Variants in MYO1F observed in about 807,000 individuals in gnomAD.
MYO1F encodes unconventional myosin-If.
A neutral mutation model predicts 146.6 loss-of-function variants in MYO1F; 60 were observed. The observed-to-expected ratio is 0.41, with a 90% CI of 0.33 to 0.51. The LOEUF (loss-of-function observed/expected upper bound fraction) is 0.51, where lower values mean the gene tolerates loss of function less well. Ranked by LOEUF, MYO1F falls within the 20% of genes least tolerant of loss-of-function variation. MYO1F has a pLI of 0.25. For missense variants in MYO1F, 1,274 were observed against 1,534.3 expected, an observed-to-expected ratio of 0.83 and a Z score of 2.83; for synonymous variants, 602 against 602.1, an observed-to-expected ratio of 1.00 and a Z score of 0.00.
chr19:8,568,063 C>A (rs1436823541), intron 1 of MYO1F, among the ~76,000 whole-genome samples: 1 of 152,160 alleles, frequency 6.6e-6, no homozygotes. Context: ...TCTGACCATT[C>A]TCTCCCTCTC....
Position 8,548,292 on chromosome 19 carries a change from G to T in MYO1F, c.1127C>A (p.Pro376His). The T allele has an allele frequency of 6.2e-7, 1 of 1,613,436 alleles. No individual in the cohort carries two copies. The highest frequency in any genetic ancestry group is 8.5e-7 in the Non-Finnish European group (1 of 1,180,000). The change falls in exon 11 of 28, where the codon CCC becomes CAC. Residue 376 changes from proline to histidine, a missense_variant. This residue lies in a region of MYO1F where 900 missense variants were observed against 1,155.1 expected (regional missense o/e 0.78). Coordinates refer to ENST00000644032, the MANE Select transcript of MYO1F (RefSeq NM_012335.4). ...VEAINRAMQKPQEEYSIGVLD... is the reference protein window; with the variant it reads ...VEAINRAMQKHQEEYSIGVLD... The stretch of plus-strand genomic sequence containing the variant: ...CACACCGATGCTGTACTCTTCCTGG[G>T]GTTTCTGCATAGCACGGTTGATGGC...
chr19:8,525,270 C>T (rs367839664), intron 25 of MYO1F: 144 of 485,944 alleles, frequency 3.0e-4, no homozygotes, highest in East Asian at 2.9e-3. Context: ...GAGAAGATGT[C>T]AGTGGTTAGC....
At position 8,560,882 on chromosome 19, in the gene MYO1F, G is replaced by A. The variant is rs928139154; in HGVS notation, c.4-5086C>T. Among the ~76,000 whole-genome samples the A allele has an allele frequency of 2.0e-5, 3 of 151,952 alleles. No individual in the cohort carries two copies. The East Asian group carries it at 5.8e-4, about 29-fold the overall frequency. On this transcript the variant is annotated intron_variant, in intron 1 of 27. Transcript: ENST00000644032. The stretch of plus-strand genomic sequence containing the variant: ...GCCTCCCGAGTAGCTGGGACTACAG[G>A]CGCCCGCCACCACGGCGGCTAATTT...
At chr19:8,543,706 T>TG in intron 14 of MYO1F, among the ~76,000 whole-genome samples, 1 of 17,972 alleles carries the variant, frequency 5.6e-5, no homozygotes, top group Non-Finnish European at 1.1e-4. Context: ...GTGGTGGTGG[T>TG]GCTGGTGGTG....
chr19:8,523,665 T>A (rs1212784030), intron 25 of MYO1F, among the ~76,000 whole-genome samples: 6 of 152,080 alleles, frequency 3.9e-5, no homozygotes, highest in Admixed American at 6.6e-5. Context: ...TTATTTTTTA[T>A]TTGTTTAGAG....
intron 1 of MYO1F, among the ~76,000 whole-genome samples, chr19:8,566,161 CTTTTTTT>C (rs781059040): frequency 2.6e-5 from 2 of 78,338 alleles, no homozygotes; most frequent in Non-Finnish European, 4.5e-5. Flanking sequence ...CAGTCTATGT[CTTTTTTT>C]TTTTTTTTTT....
intron 4 of MYO1F, among the ~76,000 whole-genome samples, chr19:8,553,844 C>G (rs1281713925): frequency 6.9e-6 from 1 of 144,738 alleles, no homozygotes; most frequent in African/African-American, 2.6e-5. Context: ...TGCACTCCAG[C>G]CTGGGTGACA....
intron 14 of MYO1F, among the ~76,000 whole-genome samples, chr19:8,543,645 GTGGTGGTGC>G (rs1973076642): frequency 6.9e-6 from 1 of 145,830 alleles, no homozygotes; most frequent in Non-Finnish European, 1.5e-5. Context: ...CACGGTGGTG[GTGGTGGTGC>G]TGGTGGTGGT....
chr19:8,521,425 T>G lies in MYO1F; in HGVS notation c.*103A>C. 1 of 1,269,436 alleles carries G rather than the reference T, an allele frequency of 7.9e-7. No homozygotes were observed. Among genetic ancestry groups the G allele is most frequent in the Non-Finnish European group, 1.1e-6 (1 of 882,070 alleles). The allele number at this position is 1,269,436 out of a possible 1,614,324, so 78.6% of individuals were successfully genotyped here. The stretch of plus-strand genomic sequence containing the variant: ...CCAAAGGACTGGACTTTTAGGCTAT[T>G]GCAGCCCAGGTAAACGAGGCTCTCA... On this transcript the variant is annotated 3_prime_UTR_variant, in exon 28 of 28. Transcript: ENST00000644032.
chr19:8,528,476 C>T (rs1238096107), intron 21 of MYO1F, among the ~76,000 whole-genome samples: 3 of 151,918 alleles, frequency 2.0e-5, no homozygotes, highest in Non-Finnish European at 4.4e-5. Context: ...TGCAGTGAGC[C>T]GAGGTTGTGC....
rs1482106678 is a variant in MYO1F, at chr19:8,544,039, T to TG, written c.1524+257dup. 176 of 501,302 alleles carry TG rather than the reference T, an allele frequency of 3.5e-4. 1 individual carries two copies. Among genetic ancestry groups the TG allele is most frequent in the Middle Eastern group, 1.1e-3 (2 of 1,842 alleles). The allele number at this position is 501,302 out of a possible 1,614,324, so 31.1% of individuals were successfully genotyped here. ...GTGGCGGTGGCGGTGGCGGTGGCGG[T>TG]GCTGGTGGTGGTGGTGGTGGTGGTG... On this transcript the variant is annotated intron_variant, in intron 14 of 27. Transcript: ENST00000644032.
intron 12 of MYO1F, among the ~76,000 whole-genome samples, chr19:8,547,430 CCT>C (rs1339848586): frequency 6.6e-6 from 1 of 151,412 alleles, no homozygotes. Flanking sequence ...ATGATGAAAC[CCT>C]GTCTCTACTA....
chr19:8,557,626 C>T (rs1973914282), intron 1 of MYO1F, among the ~76,000 whole-genome samples: 1 of 152,084 alleles, frequency 6.6e-6, no homozygotes, highest in Non-Finnish European at 1.5e-5. Context: ...TTTGGTCTCT[C>T]TTTCCATCTG....
chr19:8,568,492 G>A (rs536856973), intron 1 of MYO1F, among the ~76,000 whole-genome samples: 33 of 150,842 alleles, frequency 2.2e-4, no homozygotes, highest in African/African-American at 7.8e-4. Context: ...TTTTGCTCAA[G>A]TGAATATCGT....
chr19:8,523,756 G>A (rs1056336314), intron 25 of MYO1F, among the ~76,000 whole-genome samples: 7 of 152,080 alleles, frequency 4.6e-5, no homozygotes, highest in African/African-American at 1.7e-4. Context: ...TTAGGCTCAT[G>A]ATATTCTCCC....
chr19:8,568,965 G>C (rs964893948), intron 1 of MYO1F, among the ~76,000 whole-genome samples: 10 of 152,070 alleles, frequency 6.6e-5, no homozygotes, highest in Non-Finnish European at 1.2e-4. Context: ...ACCCTTGTGT[G>C]GGGTCTCTGA....
rs202232245 is a variant in MYO1F, at chr19:8,536,902, T to C, written c.1799+47A>G. The C allele has an allele frequency of 2.3e-4, 287 of 1,225,546 alleles. 1 individual carries two copies. The African/African-American group carries it at 3.9e-3, about 17-fold the overall frequency. 75.9% of individuals were successfully genotyped at this position (1,225,546 alleles called of 1,614,324 possible). A position where few individuals can be genotyped will look rare whatever the true frequency, so the allele number is the denominator to read the frequency against. On this transcript the variant is annotated intron_variant, in intron 17 of 27. Transcript: ENST00000644032. ...TGTCTCGGTCAGTTCTAGGGGTAACTGCAGGGCCTGGGGGGAATGAATCTT... is the reference window on the plus strand; with the variant it reads ...TGTCTCGGTCAGTTCTAGGGGTAACCGCAGGGCCTGGGGGGAATGAATCTT...
chr19:8,548,340 A>T (rs769327928), intron 10 of MYO1F, 23 bp from the exon 11 acceptor site: 1 of 1,589,564 alleles, frequency 6.3e-7, no homozygotes, highest in Non-Finnish European at 8.6e-7. Flanking sequence ...TGGGGACAGG[A>T]AGTCAGTGGG....
chr19:8,532,915 CACA>C (rs1568337727), intron 19 of MYO1F, among the ~76,000 whole-genome samples: 12 of 145,134 alleles, frequency 8.3e-5, no homozygotes, highest in Non-Finnish European at 1.7e-4. Context: ...CACACACACA[CACA>C]CACACACACA....
Sources: allele counts gnomAD v4.1 joint callset (sites outside exome capture counted in the v4.1 genomes callset), GRCh38; gene constraint gnomAD v4.1.1; regional missense constraint gnomAD v4.1.1; transcripts MANE v1.5; gene names NCBI Gene and HGNC (gene_info 2026-07-23, HGNC 2026-07-21).